ARHGEF4: variants seen among roughly 807,000 people sequenced by gnomAD.
ARHGEF4 encodes the protein Rho guanine nucleotide exchange factor 4.
A neutral mutation model predicts 162.0 loss-of-function variants in ARHGEF4; 119 were observed. That is an observed-to-expected ratio of 0.73 (90% confidence interval 0.63 to 0.86). The LOEUF is 0.86. Among genes scored for constraint, ARHGEF4 ranks in the 40% least tolerant of loss-of-function variants. ARHGEF4 has a pLI of 0.00. For missense variants in ARHGEF4, 2,488 were observed against 2,456.0 expected, an observed-to-expected ratio of 1.01 and a Z score of -0.28; for synonymous variants, 1,014 against 979.9, an observed-to-expected ratio of 1.03 and a Z score of -0.65.
chr2:131,028,148 C>A, intron 5 of ARHGEF4, 64 bp downstream of exon 5: 8 of 1,585,082 alleles, frequency 5.0e-6, no homozygotes, highest in Non-Finnish European at 6.9e-6. Flanking sequence ...GATTCCAGCA[C>A]GCTAATGCAG....
rs1313008182 is a variant in ARHGEF4, at chr2:130,916,384, G to C, written c.2438G>C (p.Gly813Ala). ...GRPLATESPGGVPAPTTEGRR... is the reference protein window; with the variant it reads ...GRPLATESPGAVPAPTTEGRR... ...CCCTTGGCCACTGAGAGCCCAGGAGGGGTCCCGGCCCCGACCACCGAGGGT... is the reference window on the plus strand; with the variant it reads ...CCCTTGGCCACTGAGAGCCCAGGAGCGGTCCCGGCCCCGACCACCGAGGGT... Residue 813 changes from glycine to alanine, a missense_variant, in exon 2 of 14, where the codon GGG becomes GCG. Gly to Ala is a moderately conservative substitution (Grantham distance 60, BLOSUM62 0). Transcript: ENST00000409359. 2 of 1,533,940 alleles carry C rather than the reference G, an allele frequency of 1.3e-6. No individual in the cohort carries two copies. The highest frequency in any genetic ancestry group is 2.5e-5 in the East Asian group (1 of 40,688).
intron 3 of ARHGEF4, 126 bp from the exon 4 acceptor site, chr2:130,946,383 C>A: frequency 8.6e-7 from 1 of 1,167,752 alleles, no homozygotes; most frequent in Non-Finnish European, 1.2e-6. Flanking sequence ...TGGAGCTGTG[C>A]ATATTTTGGT....
intron 5 of ARHGEF4, chr2:131,035,248 CTGG>C: frequency 8.2e-7 from 1 of 1,224,302 alleles, no homozygotes; most frequent in South Asian, 4.1e-5. Context: ...GATCTTCCTG[CTGG>C]CCTTCCGCTG....
intron 4 of ARHGEF4, among the ~76,000 whole-genome samples, chr2:131,005,150 T>C (rs1371306358): frequency 6.6e-6 from 1 of 152,118 alleles, no homozygotes; most frequent in Non-Finnish European, 1.5e-5. Flanking sequence ...TTTGCAGTTA[T>C]GGGGCAAGAG....
At chr2:130,882,736 C>T (rs56298576) in intron 1 of ARHGEF4, among the ~76,000 whole-genome samples, 6,301 of 151,972 alleles carry the variant, frequency 0.041, 171 homozygotes, top group Middle Eastern at 0.078. Context: ...CGTACCCTCT[C>T]TCGGAGATTT....
chr2:131,015,630 T>A (rs571178737), intron 4 of ARHGEF4, among the ~76,000 whole-genome samples: 1 of 152,196 alleles, frequency 6.6e-6, no homozygotes, highest in Non-Finnish European at 1.5e-5. Context: ...TGGCTCACGC[T>A]TGGAATCCCA....
At chr2:130,972,544 G>A (rs1477727657) in intron 4 of ARHGEF4, among the ~76,000 whole-genome samples, 1 of 152,134 alleles carries the variant, frequency 6.6e-6, no homozygotes, top group Non-Finnish European at 1.5e-5. Context: ...CTCTGTTGTG[G>A]TCTCAAAGTT....
At chr2:130,995,332 T>C (rs532902904) in intron 4 of ARHGEF4, among the ~76,000 whole-genome samples, 2 of 152,222 alleles carry the variant, frequency 1.3e-5, no homozygotes, top group Non-Finnish European at 2.9e-5. Flanking sequence ...TTCCAGTTAT[T>C]GAATACTTTG....
chr2:130,981,475 A>G lies in ARHGEF4; in HGVS notation c.3985+34840A>G, dbSNP rs963583565. Among the ~76,000 whole-genome samples the G allele has an allele frequency of 3.9e-5, 6 of 152,118 alleles. 1 individual carries two copies. The highest frequency in any genetic ancestry group is 3.9e-4 in the Admixed American group (6 of 15,272). ...GGGGATCGAGACCAGCTTGGCCAAT[A>G]TGGTGAAACCCCGTTTCTACAAAAA... On this transcript the variant is annotated intron_variant, in intron 4 of 13. Transcript: ENST00000409359.
intron 4 of ARHGEF4, chr2:131,011,949 A>G (rs1434650039): frequency 7.1e-6 from 5 of 700,614 alleles, no homozygotes; most frequent in Non-Finnish European, 1.3e-5. Flanking sequence ...ATTCTGGATA[A>G]TAAAGTAAAG....
chr2:130,893,604 G>A (rs996625542), intron 1 of ARHGEF4, among the ~76,000 whole-genome samples: 5 of 152,176 alleles, frequency 3.3e-5, no homozygotes, highest in East Asian at 1.9e-4. Context: ...GAGCTGCTCC[G>A]TGTGCCTCAG....
At chr2:130,967,308 TC>T (rs1685069574) in intron 4 of ARHGEF4, among the ~76,000 whole-genome samples, 1 of 152,214 alleles carries the variant, frequency 6.6e-6, no homozygotes, top group Admixed American at 6.5e-5. Flanking sequence ...GGGTGGAATT[TC>T]CATGGCCCTT....
At chr2:130,994,989 C>T (rs748651282) in intron 4 of ARHGEF4, among the ~76,000 whole-genome samples, 32 of 152,222 alleles carry the variant, frequency 2.1e-4, no homozygotes, top group Non-Finnish European at 3.7e-4. Context: ...TTTCAGCAGT[C>T]TTAAAGATGT....
Position 130,915,730 on chromosome 2 carries a change from C to G in ARHGEF4, c.1784C>G (p.Ser595Cys), listed in dbSNP as rs532149559. Residue 595 changes from serine (S) to cysteine (C), a missense_variant, in exon 2 of 14, where the codon TCT becomes TGT. Physicochemically the swap from Ser to Cys is moderately radical, Grantham distance 112 (BLOSUM62 -1). Around this residue, in one of 6 missense-constraint regions of ARHGEF4, gnomAD observed 1,642 missense variants for 1,481.5 expected, o/e 1.11. Coordinates refer to ENST00000409359, the MANE Select transcript of ARHGEF4 (RefSeq NM_001367493.1). ...GLSEFKAATV[S>C]HCGPGAEEGE... ...TCAGAATTCAAGGCAGCCACGGTGT[C>G]TCACTGCGGCCCCGGGGCTGAGGAG... is the stretch of plus-strand genomic sequence containing the variant. 24 of 1,548,558 alleles carry G rather than the reference C, an allele frequency of 1.5e-5. 1 individual carries two copies. Among genetic ancestry groups the G allele is most frequent in the African/African-American group, 1.4e-4 (10 of 73,096 alleles).
chr2:130,987,835 C>G (rs924898147), intron 4 of ARHGEF4, among the ~76,000 whole-genome samples: 3 of 152,184 alleles, frequency 2.0e-5, no homozygotes, highest in Non-Finnish European at 4.4e-5. Context: ...ATGCTCTAAG[C>G]ATCAGAAATG....
intron 4 of ARHGEF4, among the ~76,000 whole-genome samples, chr2:130,976,004 C>T (rs1409760870): frequency 1.3e-5 from 2 of 152,124 alleles, no homozygotes; most frequent in African/African-American, 4.8e-5. Context: ...CATGGGGGTC[C>T]GTCACAGGCT....
At chr2:130,925,917 C>T (rs1428862334) in intron 2 of ARHGEF4, among the ~76,000 whole-genome samples, 1 of 152,218 alleles carries the variant, frequency 6.6e-6, no homozygotes, top group East Asian at 1.9e-4. Flanking sequence ...TTCACCCCAA[C>T]CCACTTTGTC....
At chr2:130,983,962 A>ATTTATAAGCC (rs1686293812) in intron 4 of ARHGEF4, among the ~76,000 whole-genome samples, 2 of 152,104 alleles carry the variant, frequency 1.3e-5, no homozygotes. Context: ...GTGCTCTTTT[A>ATTTATAAGCC]TTTATAAGCC....
chr2:130,882,809 G>T (rs1411234563), intron 1 of ARHGEF4, among the ~76,000 whole-genome samples: 2 of 151,890 alleles, frequency 1.3e-5, no homozygotes, highest in African/African-American at 4.9e-5. Flanking sequence ...GCCAGGGTGG[G>T]GGTCTCAGTT....
Sources: gnomAD v4.1 joint callset for allele counts (sites outside exome capture counted in the v4.1 genomes callset) on GRCh38, gnomAD v4.1.1 for gene constraint, gnomAD v4.1.1 regional missense constraint, MANE v1.5 for transcripts, NCBI Gene and HGNC (gene_info 2026-07-23, HGNC 2026-07-21) for gene names.